ZNF536: variants seen among roughly 807,000 people sequenced by gnomAD.
ZNF536 encodes zinc finger protein 536.
Under a neutral mutation model 84.5 loss-of-function variants are expected in ZNF536, and 13 were observed. The observed-to-expected ratio is 0.15, with a 90% CI of 0.10 to 0.24. The LOEUF (loss-of-function observed/expected upper bound fraction) is 0.24. ZNF536 is among the 10% of genes least tolerant of loss of function. ZNF536 has a pLI of 1.00. For synonymous variants in ZNF536, 811 were observed against 742.5 expected (o/e 1.09, Z -1.50); for missense variants, 1,536 against 1,747.5 (o/e 0.88, Z 2.16).
At chr19:30,262,626 G>A (rs985210294) in intron 1 of ZNF536, among the ~76,000 whole-genome samples, 1 of 152,180 alleles carries the variant, frequency 6.6e-6, no homozygotes, top group Non-Finnish European at 1.5e-5. Flanking sequence ...TGTCTTGCTG[G>A]TGTTCGTGGA....
In ZNF536 at chr19:30,235,788, G is replaced by T. The variant is rs546217699; in HGVS notation, c.-190+7115G>T. Among the ~76,000 whole-genome samples, 3 of 152,378 alleles carry T rather than the reference G, an allele frequency of 2.0e-5. No individual in the cohort carries two copies. The East Asian group carries it at 5.8e-4, about 29-fold the overall frequency. ...ATATGAAGCCTATTGAAGGGGCTGG[G>T]AAGTCTTACTGCAATTAGAGCTAAA... is the stretch of plus-strand genomic sequence containing the variant. On this transcript the variant is annotated intron_variant, in intron 1 of 5. Transcript: ENST00000585628.
intron 2 of ZNF536, among the ~76,000 whole-genome samples, chr19:30,337,018 G>C (rs894764978): frequency 6.6e-6 from 1 of 152,016 alleles, no homozygotes; most frequent in African/African-American, 2.4e-5. Context: ...TGGCTTTGCA[G>C]GTCTCCTGCA....
At chr19:30,313,963 T>C (rs912343793) in intron 2 of ZNF536, among the ~76,000 whole-genome samples, 2 of 152,176 alleles carry the variant, frequency 1.3e-5, no homozygotes, top group Non-Finnish European at 2.9e-5. Context: ...GTAAGGAAGT[T>C]CATCAAAGTC....
intron 1 of ZNF536, among the ~76,000 whole-genome samples, chr19:30,660,909 A>T (rs566190621): frequency 6.6e-6 from 1 of 152,346 alleles, no homozygotes; most frequent in Non-Finnish European, 1.5e-5. Flanking sequence ...TCTGCCTCAT[A>T]CATGCTCCGC....
chr19:30,319,842 G>T (rs2046798277), intron 2 of ZNF536, among the ~76,000 whole-genome samples: 2 of 152,076 alleles, frequency 1.3e-5, no homozygotes, highest in Admixed American at 1.3e-4. Flanking sequence ...CTATTTCAGG[G>T]TTTAAAAGTA....
chr19:30,347,649 C>T (rs199885396), intron 2 of ZNF536, among the ~76,000 whole-genome samples: 3 of 152,146 alleles, frequency 2.0e-5, no homozygotes, highest in East Asian at 1.9e-4. Flanking sequence ...CCCCTGCTCC[C>T]GGGAAGAATG....
intron 2 of ZNF536, among the ~76,000 whole-genome samples, chr19:30,452,980 C>T (rs887613755): frequency 2.9e-5 from 1 of 34,398 alleles, no homozygotes; most frequent in Non-Finnish European, 5.5e-5. Flanking sequence ...TGCATGGTGT[C>T]GGGGGGGTGG....
upstream of ZNF536, among the ~76,000 whole-genome samples, chr19:30,369,762 C>T (rs1600422638): frequency 6.6e-6 from 1 of 152,100 alleles, no homozygotes; most frequent in African/African-American, 2.4e-5. Context: ...AGGAAACCAA[C>T]TCAGGAGTTT....
intron 1 of ZNF536, among the ~76,000 whole-genome samples, chr19:30,245,220 A>G (rs1005384473): frequency 3.9e-5 from 6 of 152,208 alleles, no homozygotes; most frequent in Non-Finnish European, 8.8e-5. Context: ...CAAGTGGCAC[A>G]TCTTCAGGGA....
intron 1 of ZNF536, among the ~76,000 whole-genome samples, chr19:30,649,550 T>G (rs1020130981): frequency 2.0e-4 from 4 of 19,942 alleles, no homozygotes; most frequent in Non-Finnish European, 3.2e-4. Context: ...AGCATTTTCC[T>G]TTTTTTTTTT....
chr19:30,382,691 A>ATGGCT (rs887795441), intron 1 of ZNF536, among the ~76,000 whole-genome samples: 2 of 152,068 alleles, frequency 1.3e-5, no homozygotes, highest in African/African-American at 2.4e-5. Flanking sequence ...GGAAGGAAGT[A>ATGGCT]TGGCTTGGCT....
intron 1 of ZNF536, among the ~76,000 whole-genome samples, chr19:30,415,252 C>T (rs2050671896): frequency 9.0e-6 from 1 of 111,552 alleles, no homozygotes; most frequent in Non-Finnish European, 1.8e-5. Flanking sequence ...CCTCTTCTCC[C>T]TCCCCCTTCT....
chr19:30,630,133 C>G (rs2048836973), intron 1 of ZNF536, among the ~76,000 whole-genome samples: 1 of 152,196 alleles, frequency 6.6e-6, no homozygotes, highest in South Asian at 2.1e-4. Context: ...CCGGAGAGCA[C>G]CAGGGGCTAC....
chr19:30,579,655 T>A lies in ZNF536; in HGVS notation c.169+30141T>A, dbSNP rs569074410. ...TGTGGGAGGAACCTAGCAGAGGGCA[T>A]GGATGAAGGAGGCATGAGCCTTGTA... is the stretch of plus-strand genomic sequence containing the variant. On this transcript the variant is annotated intron_variant, in intron 1 of 1. Coordinates refer to the ZNF536 transcript ENST00000592773. 2.0e-5 allele frequency among the ~76,000 whole-genome samples: 3 copies of A among 152,302 alleles called. No individual in the cohort carries two copies. In the South Asian group the frequency reaches 6.2e-4, roughly 32 times the overall value.
intron 1 of ZNF536, among the ~76,000 whole-genome samples, chr19:30,632,623 CAACCAACCAACCAACCAATCAACCAACA>C (rs1236800736): frequency 7.8e-6 from 1 of 128,040 alleles, no homozygotes; most frequent in Non-Finnish European, 1.6e-5. Context: ...ACCAATCAAC[CAACCAACCAACCAACCAATCAACCAACA>C]AACCAACCAA....
upstream of ZNF536, among the ~76,000 whole-genome samples, chr19:30,368,158 C>G (rs2048498347): frequency 6.6e-6 from 1 of 152,312 alleles, no homozygotes; most frequent in Non-Finnish European, 1.5e-5. Flanking sequence ...CCCCCACTCT[C>G]TGCAAGGAGA....
intron 1 of ZNF536, among the ~76,000 whole-genome samples, chr19:30,619,245 TTA>T (rs2147123470): frequency 6.6e-6 from 1 of 152,330 alleles, no homozygotes; most frequent in Admixed American, 6.5e-5. Flanking sequence ...TTTTAAAACT[TTA>T]TTTTGTTTGA....
chr19:30,404,741 G>C (rs991748425), intron 1 of ZNF536, among the ~76,000 whole-genome samples: 1 of 151,992 alleles, frequency 6.6e-6, no homozygotes, highest in Non-Finnish European at 1.5e-5. Context: ...AGGCGGGGGG[G>C]CTCCTCAACA....
chr19:30,265,678 A>T (rs978875046), intron 1 of ZNF536, among the ~76,000 whole-genome samples: 1 of 152,152 alleles, frequency 6.6e-6, no homozygotes, highest in Non-Finnish European at 1.5e-5. Context: ...ACTAGGCAGG[A>T]TAGTGGAGAT....
Sources: allele counts gnomAD v4.1 joint callset (sites outside exome capture counted in the v4.1 genomes callset), GRCh38; gene constraint gnomAD v4.1.1; transcripts MANE v1.5; gene names NCBI Gene and HGNC (gene_info 2026-07-23, HGNC 2026-07-21).